Variants in ZCCHC7 observed in about 807,000 individuals in gnomAD.
ZCCHC7 encodes zinc finger CCHC domain-containing protein 7.
A neutral mutation model predicts 52.0 loss-of-function variants in ZCCHC7; 35 were observed. The ratio of observed to expected loss-of-function variants is 0.67; its 90% CI spans 0.51 to 0.89. ZCCHC7 has a LOEUF of 0.89. Among genes scored for constraint, ZCCHC7 ranks in the 40% least tolerant of loss-of-function variants. The probability of loss-of-function intolerance (pLI) is 0.00; values close to 1 mark genes in which losing one functional copy is unlikely to be tolerated. For synonymous variants in ZCCHC7, 217 were observed against 221.5 expected (o/e 0.98, Z 0.18); for missense variants, 574 against 649.1 (o/e 0.88, Z 1.26).
chr9:37,316,128 T>G (rs2117903655), intron 5 of ZCCHC7, among the ~76,000 whole-genome samples: 1 of 152,064 alleles, frequency 6.6e-6, no homozygotes, highest in Non-Finnish European at 1.5e-5. Context: ...GGCGCAATCT[T>G]GGCTCACTGC....
Position 37,357,688 on chromosome 9 carries a change from TTTTAC to T in ZCCHC7, c.*424_*428del, listed in dbSNP as rs1821795272. The stretch of plus-strand genomic sequence containing the variant: ...ATTTTTCAACTTTTTTTTTTTTTTT[TTTTAC>T]TTTGGAAAGGACAATAACTATAAAC... On this transcript the variant is annotated 3_prime_UTR_variant, in exon 9 of 9. Transcript: ENST00000336755. The T allele has an allele frequency of 6.5e-6, 1 of 152,806 alleles. No individual in the cohort carries two copies. The highest frequency in any genetic ancestry group is 1.5e-5 in the Non-Finnish European group (1 of 68,662). 9.5% of individuals were successfully genotyped at this position (152,806 alleles called of 1,614,324 possible).
At chr9:37,187,910 C>T (rs1332800099) in intron 2 of ZCCHC7, among the ~76,000 whole-genome samples, 4 of 152,096 alleles carry the variant, frequency 2.6e-5, no homozygotes, top group Admixed American at 2.0e-4. Flanking sequence ...AAATACTATC[C>T]TACTTCCTTT....
intron 2 of ZCCHC7, among the ~76,000 whole-genome samples, chr9:37,197,572 A>G (rs1823354431): frequency 6.6e-6 from 1 of 152,200 alleles, no homozygotes; most frequent in African/African-American, 2.4e-5. Context: ...TTATGATTTC[A>G]GAGATGTAGA....
chr9:37,161,621 C>G (rs1185397994), intron 2 of ZCCHC7, among the ~76,000 whole-genome samples: 1 of 152,078 alleles, frequency 6.6e-6, no homozygotes, highest in Non-Finnish European at 1.5e-5. Flanking sequence ...TAAATCACTG[C>G]TTCAAGGCCA....
chr9:37,323,246 A>T (rs1486001246), intron 5 of ZCCHC7, among the ~76,000 whole-genome samples: 6 of 152,332 alleles, frequency 3.9e-5, no homozygotes, highest in Middle Eastern at 3.4e-3. Flanking sequence ...CAGTCAGCAG[A>T]TTTACTACAA....
chr9:37,286,648 C>CA (rs111998486), intron 2 of ZCCHC7, among the ~76,000 whole-genome samples: 6,138 of 144,534 alleles, frequency 0.042, 400 homozygotes, highest in African/African-American at 0.14. Flanking sequence ...GACCCTGTCT[C>CA]AAAAAAAAAG....
chr9:37,176,074 GTTTGT>G (rs1209089039), intron 2 of ZCCHC7, among the ~76,000 whole-genome samples: 8 of 144,420 alleles, frequency 5.5e-5, no homozygotes, highest in Middle Eastern at 6.9e-3. Flanking sequence ...TTGTTTGTTT[GTTTGT>G]TTTGTTTTGT....
intron 2 of ZCCHC7, among the ~76,000 whole-genome samples, chr9:37,147,887 T>G (rs1158169699): frequency 6.6e-6 from 1 of 152,112 alleles, no homozygotes; most frequent in Non-Finnish European, 1.5e-5. Context: ...GGAGGTTGAT[T>G]GAAAGGGAGT....
chr9:37,205,897 T>TC (rs1823882809), intron 2 of ZCCHC7, among the ~76,000 whole-genome samples: 1 of 151,944 alleles, frequency 6.6e-6, no homozygotes, highest in Non-Finnish European at 1.5e-5. Context: ...TTTTTTTTTT[T>TC]CTTTCCGCTT....
chr9:37,227,498 T>C (rs1825174645), intron 2 of ZCCHC7, among the ~76,000 whole-genome samples: 1 of 152,214 alleles, frequency 6.6e-6, no homozygotes, highest in South Asian at 2.1e-4. Context: ...CTTGTATACA[T>C]TGATAGTCAT....
At position 37,269,618 on chromosome 9, in the gene ZCCHC7, C is replaced by CAAAAAAAAAAAAAAAAAAAAA. The variant is rs1170865355; in HGVS notation, c.611-32562_611-32542dup. On this transcript the variant is annotated intron_variant, in intron 2 of 8. Coordinates refer to ENST00000336755, the MANE Select transcript of ZCCHC7 (RefSeq NM_032226.3). The stretch of plus-strand genomic sequence containing the variant: ...TGAGCAACAGAGTGAGACTCTGTCT[C>CAAAAAAAAAAAAAAAAAAAAA]AAAAAAAAAAAAAAAAAAAAAAAAA... Among the ~76,000 whole-genome samples, 18 of 27,228 alleles carry CAAAAAAAAAAAAAAAAAAAAA rather than the reference C, an allele frequency of 6.6e-4. 1 individual carries two copies. Among genetic ancestry groups the CAAAAAAAAAAAAAAAAAAAAA allele is most frequent in the Admixed American group, 1.3e-3 (2 of 1,574 alleles). The allele number at this position is 27,228 out of a possible 152,430, so 17.9% of individuals were successfully genotyped here. A position where few individuals can be genotyped will look rare whatever the true frequency, so the allele number is the denominator to read the frequency against.
At chr9:37,164,419 G>A (rs967748560) in intron 2 of ZCCHC7, among the ~76,000 whole-genome samples, 4 of 151,298 alleles carry the variant, frequency 2.6e-5, no homozygotes, top group South Asian at 4.2e-4. Context: ...CACTCCAGCC[G>A]GGGTGACGGA....
intron 2 of ZCCHC7, among the ~76,000 whole-genome samples, chr9:37,152,535 C>T (rs1820586911): frequency 6.6e-6 from 1 of 152,120 alleles, no homozygotes; most frequent in South Asian, 2.1e-4. Context: ...GTGGCAGTTT[C>T]TCAGACTTTC....
chr9:37,336,439 T>C (rs2118368566), intron 6 of ZCCHC7, among the ~76,000 whole-genome samples: 1 of 152,260 alleles, frequency 6.6e-6, no homozygotes, highest in East Asian at 1.9e-4. Context: ...TGGAATTCCC[T>C]GCCTTTGTGA....
chr9:37,331,517 A>G (rs1233059931), intron 6 of ZCCHC7, among the ~76,000 whole-genome samples: 1 of 151,620 alleles, frequency 6.6e-6, no homozygotes, highest in East Asian at 1.9e-4. Flanking sequence ...ATTTAACTCT[A>G]GAACTATGTT....
At chr9:37,142,461 G>T (rs1333400327) in intron 2 of ZCCHC7, among the ~76,000 whole-genome samples, 1 of 151,614 alleles carries the variant, frequency 6.6e-6, no homozygotes, top group Non-Finnish European at 1.5e-5. Flanking sequence ...TATAGAATTT[G>T]TAATTACCAA....
chr9:37,277,214 G>A (rs764757747), intron 2 of ZCCHC7, among the ~76,000 whole-genome samples: 2 of 152,062 alleles, frequency 1.3e-5, no homozygotes, highest in East Asian at 3.8e-4. Flanking sequence ...TGGTAATGGC[G>A]GAATTGTTCA....
intron 6 of ZCCHC7, among the ~76,000 whole-genome samples, chr9:37,331,040 G>T (rs10973300): frequency 6.6e-6 from 1 of 151,550 alleles, no homozygotes; most frequent in South Asian, 2.1e-4. Context: ...GTTTAATTTT[G>T]CATTTGATTT....
chr9:37,198,918 T>C (rs1277846755), intron 2 of ZCCHC7, among the ~76,000 whole-genome samples: 2 of 152,240 alleles, frequency 1.3e-5, no homozygotes, highest in Non-Finnish European at 2.9e-5. Flanking sequence ...GGTGTGTTTG[T>C]CATATTTTCC....
Sources: gnomAD v4.1 joint callset for allele counts (sites outside exome capture counted in the v4.1 genomes callset) on GRCh38, gnomAD v4.1.1 for gene constraint, MANE v1.5 for transcripts, NCBI Gene and HGNC (gene_info 2026-07-23, HGNC 2026-07-21) for gene names.